Variants in FAM161B observed in about 807,000 individuals in gnomAD.
The protein encoded by FAM161B is protein FAM161B.
Under a neutral mutation model 61.5 loss-of-function variants are expected in FAM161B, and 46 were observed. That is an observed-to-expected ratio of 0.75 (90% CI 0.59 to 0.96). The LOEUF (loss-of-function observed/expected upper bound fraction) is 0.96. FAM161B is among the 40% of genes least tolerant of loss of function. FAM161B has a pLI of 0.00. For synonymous variants in FAM161B, 284 were observed against 302.7 expected (o/e 0.94, Z 0.64); for missense variants, 774 against 800.7 (o/e 0.97, Z 0.40).
chr14:73,924,265 G>A, the FAM161B span, among the ~76,000 whole-genome samples: 4 of 152,088 alleles, frequency 2.6e-5, no homozygotes, highest in African/African-American at 7.2e-5. Flanking sequence ...TAGGGTTTGC[G>A]CTCCTATGAG....
intron 8 of FAM161B, 101 bp from the exon 9 acceptor site, chr14:73,934,495 C>T (rs2055954588): frequency 8.5e-7 from 1 of 1,182,244 alleles, no homozygotes. Context: ...TCTCAGCTCA[C>T]TGCAGCCTGG....
intron 5 of FAM161B, among the ~76,000 whole-genome samples, chr14:73,940,637 G>T (rs576467192): frequency 1.4e-3 from 216 of 152,058 alleles, no homozygotes; most frequent in African/African-American, 5.0e-3. Context: ...TTGCTTCTTT[G>T]CTTTTCTGTA....
At chr14:73,934,488 C>T in intron 8 of FAM161B, 94 bp from the exon 9 acceptor site, 19 of 1,205,118 alleles carry the variant, frequency 1.6e-5, no homozygotes, top group South Asian at 4.7e-5. Flanking sequence ...GGCATGATCT[C>T]AGCTCACTGC....
chr14:73,933,531 A>G lies in FAM161B; in HGVS notation c.*725T>C, dbSNP rs1301559517. ...CTAAGTAATTTTTAAATTAGTTGAT[A>G]GCATACAAATTTCTGGCTTGATGAA... On this transcript the variant is annotated 3_prime_UTR_variant, in exon 9 of 9. Coordinates refer to ENST00000286544, the MANE Select transcript of FAM161B (RefSeq NM_152445.3). 1 of 152,250 alleles carries G rather than the reference A, an allele frequency of 6.6e-6. No individual in the cohort carries two copies. The highest frequency in any genetic ancestry group is 1.5e-5 in the Non-Finnish European group (1 of 68,050). 9.4% of individuals were successfully genotyped at this position (152,250 alleles called of 1,614,324 possible).
chr14:73,934,695 C>T (rs994920800), intron 8 of FAM161B, among the ~76,000 whole-genome samples: 1 of 152,026 alleles, frequency 6.6e-6, no homozygotes, highest in African/African-American at 2.4e-5. Context: ...GATCCACCCA[C>T]GTCAGCCTCT....
rs1243284342 is a variant in FAM161B, at chr14:73,932,480, T to TC, written c.*1775_*1776insG. The TC allele has an allele frequency of 7.7e-5, 35 of 453,678 alleles. No individual in the cohort carries two copies. Among genetic ancestry groups the TC allele is most frequent in the African/African-American group, 5.6e-4 (28 of 49,910 alleles). 28.1% of individuals were successfully genotyped at this position (453,678 alleles called of 1,614,324 possible). On this transcript the variant is annotated 3_prime_UTR_variant, in exon 9 of 9. Transcript: ENST00000286544. ...CTGTCACCACCAAAAAAGACGCATC[T>TC]GAGAAAATGGCAATAAAAACAGATA...
In FAM161B at chr14:73,932,651, G is replaced by A. The variant is rs2055933901; in HGVS notation, c.*1605C>T. 2.7e-6 allele frequency: 1 copy of A among 366,598 alleles called. No homozygotes were observed. The highest frequency in any genetic ancestry group is 2.1e-5 in the African/African-American group (1 of 46,904). 22.7% of individuals were successfully genotyped at this position (366,598 alleles called of 1,614,324 possible). A position where few individuals can be genotyped will look rare whatever the true frequency, so the allele number is the denominator to read the frequency against. On this transcript the variant is annotated 3_prime_UTR_variant, in exon 9 of 9. Transcript: ENST00000286544. Reference sequence around the variant, plus strand: ...CATCATCATTATGATTTGAGATGGGGTCTTGCTCTGTCACCCAGGCTGGAG... The same window carrying A: ...CATCATCATTATGATTTGAGATGGGATCTTGCTCTGTCACCCAGGCTGGAG...
At chr14:73,925,177 A>G in the FAM161B span, among the ~76,000 whole-genome samples, 1 of 152,106 alleles carries the variant, frequency 6.6e-6, no homozygotes, top group Non-Finnish European at 1.5e-5. Flanking sequence ...GCTTATATTT[A>G]AAGTTTTTGA....
chr14:73,941,907 T>C (rs2056022588), intron 4 of FAM161B, among the ~76,000 whole-genome samples: 1 of 152,228 alleles, frequency 6.6e-6, no homozygotes, highest in Non-Finnish European at 1.5e-5. Context: ...GGTTTTGCCA[T>C]GTTGGCCGTG....
At chr14:73,937,474 G>C in intron 7 of FAM161B, 128 bp downstream of exon 7, 2 of 757,138 alleles carry the variant, frequency 2.6e-6, no homozygotes, top group Non-Finnish European at 4.4e-6. Flanking sequence ...GGAAAAGAAG[G>C]TAGTAGTGAA....
At chr14:73,923,255 C>T in the FAM161B span, 64 of 945,400 alleles carry the variant, frequency 6.8e-5, no homozygotes, top group Admixed American at 3.3e-4. Flanking sequence ...GCTTATCAGA[C>T]AGGATTAACT....
chr14:73,948,869 T>G (rs563724454), intron 1 of FAM161B, among the ~76,000 whole-genome samples: 1 of 152,144 alleles, frequency 6.6e-6, no homozygotes, highest in South Asian at 2.1e-4. Flanking sequence ...CCCAGCACTT[T>G]GGGAGGCCTT....
At chr14:73,945,709 G>A (rs1393451699) in intron 2 of FAM161B, among the ~76,000 whole-genome samples, 7 of 151,980 alleles carry the variant, frequency 4.6e-5, no homozygotes, top group Non-Finnish European at 1.0e-4. Flanking sequence ...AATTAGAGGC[G>A]TAAACACGGT....
intron 7 of FAM161B, 150 bp downstream of exon 7, chr14:73,937,452 C>A: frequency 1.5e-6 from 1 of 665,818 alleles, no homozygotes; most frequent in South Asian, 1.9e-5. Flanking sequence ...CTCTATTGTA[C>A]TATTTATTTT....
intron 5 of FAM161B, among the ~76,000 whole-genome samples, 199 bp from the exon 6 acceptor site, chr14:73,938,311 TA>T (rs1322457135): frequency 6.6e-6 from 1 of 151,836 alleles, no homozygotes; most frequent in African/African-American, 2.4e-5. Context: ...ATACAAAAAT[TA>T]GCTGGGCATG....
intron 7 of FAM161B, among the ~76,000 whole-genome samples, chr14:73,936,438 G>A (rs941534220): frequency 2.0e-5 from 3 of 151,882 alleles, no homozygotes; most frequent in Non-Finnish European, 4.4e-5. Context: ...TTAAAAGGAT[G>A]GACTAAAAAC....
rs775945580 is a variant in FAM161B, at chr14:73,938,077, C to T, written c.1436G>A (p.Ser479Asn). ...ALEKKNKADE[S>N]IQWLEIHKKK... ...TTTGTGTATCTCCAGCCACTGAATA[C>T]TCTCATCTGCTTTGTTCTTTTTTTC... Residue 479 changes from serine (S) to asparagine (N), a missense_variant, in exon 6 of 9, where the codon AGT becomes AAT. By Grantham distance (46) the Ser-to-Asn change is conservative. Transcript: ENST00000286544. 11 of 1,614,022 alleles carry T rather than the reference C, an allele frequency of 6.8e-6. No homozygotes were observed. The East Asian group carries it at 2.0e-4, about 29-fold the overall frequency.
At chr14:73,923,334 A>G in the FAM161B span, 1 of 1,558,554 alleles carries the variant, frequency 6.4e-7, no homozygotes, top group South Asian at 1.2e-5. Flanking sequence ...AGGCTTAATG[A>G]TCCAGATAGG....
the FAM161B span, among the ~76,000 whole-genome samples, chr14:73,926,380 C>CTT: frequency 0.49 from 73,795 of 150,962 alleles, 18,217 homozygotes; most frequent in South Asian, 0.61. Context: ...TATAATAGTC[C>CTT]TTTTTTTTCA....
Sources: gnomAD v4.1 joint callset for allele counts (sites outside exome capture counted in the v4.1 genomes callset) on GRCh38, gnomAD v4.1.1 for gene constraint, MANE v1.5 for transcripts, NCBI Gene and HGNC (gene_info 2026-07-23, HGNC 2026-07-21) for gene names.